The following VAT1L variants were observed in gnomAD, a reference collection of about 807,000 sequenced individuals.
VAT1L encodes vesicle amine transport 1 like.
Under a neutral mutation model 44.1 loss-of-function variants are expected in VAT1L, and 34 were observed. That is an observed-to-expected ratio of 0.77 (90% CI 0.59 to 1.03). The LOEUF (loss-of-function observed/expected upper bound fraction) is 1.03, where lower values mean the gene tolerates loss of function less well. Ranked by LOEUF, VAT1L falls within the 50% of genes least tolerant of loss-of-function variation. VAT1L has a pLI of 0.00. For missense variants in VAT1L, 615 were observed against 538.8 expected (o/e 1.14, Z -1.40); for synonymous variants, 253 against 202.2 (o/e 1.25, Z -2.13).
chr16:77,946,276 G>GCTCTTTTTTTTTTTTTTTTTTTT (rs1441996306), intron 7 of VAT1L, among the ~76,000 whole-genome samples: 7 of 33,856 alleles, frequency 2.1e-4, no homozygotes, highest in Admixed American at 7.9e-4. Context: ...TAGGTTACTT[G>GCTCTTTTTTTTTTTTTTTTTTTT]TTCTTTTTTT....
intron 7 of VAT1L, among the ~76,000 whole-genome samples, chr16:77,958,283 C>T (rs1340314876): frequency 6.6e-6 from 1 of 152,166 alleles, no homozygotes; most frequent in African/African-American, 2.4e-5. Flanking sequence ...TCAACAGCTT[C>T]CTCTGGTTTT....
At chr16:77,946,221 C>G (rs2017960933) in intron 7 of VAT1L, among the ~76,000 whole-genome samples, 1 of 149,346 alleles carries the variant, frequency 6.7e-6, no homozygotes, top group Non-Finnish European at 1.5e-5. Flanking sequence ...TTCTAACAAA[C>G]AGCTCTAACA....
rs142335499 is a variant in VAT1L at position 77,793,256 on chromosome 16, C to T, written c.233+4341C>T. The stretch of plus-strand genomic sequence containing the variant: ...CTTCCTGCATAGCTGGGACCACAGG[C>T]ATGTGCCACCGTGCCCAGCTAATTT... On this transcript the variant is annotated intron_variant, in intron 1 of 8. Coordinates refer to ENST00000302536, the MANE Select transcript of VAT1L (RefSeq NM_020927.3). Among the ~76,000 whole-genome samples the T allele has an allele frequency of 2.9e-3, 447 of 152,282 alleles. 2 individuals are homozygous for T. The highest frequency in any genetic ancestry group is 0.01 in the African/African-American group (424 of 41,566).
intron 1 of VAT1L, among the ~76,000 whole-genome samples, chr16:77,811,492 T>C (rs1418631561): frequency 6.6e-6 from 1 of 152,134 alleles, no homozygotes; most frequent in Non-Finnish European, 1.5e-5. Context: ...GATCACACAA[T>C]GACAGCCTGG....
chr16:77,939,724 G>C (rs2017854584), intron 7 of VAT1L, among the ~76,000 whole-genome samples: 1 of 152,090 alleles, frequency 6.6e-6, no homozygotes, highest in Admixed American at 6.6e-5. Flanking sequence ...GGAATACAAA[G>C]GGTGAAAAAT....
chr16:77,958,914 G>A (rs1410341353), intron 7 of VAT1L, among the ~76,000 whole-genome samples: 3 of 152,106 alleles, frequency 2.0e-5, no homozygotes, highest in Non-Finnish European at 4.4e-5. Flanking sequence ...TTATCCTGTT[G>A]CCAAGTAGGT....
At chr16:77,949,846 G>A (rs1399457153) in intron 7 of VAT1L, among the ~76,000 whole-genome samples, 1 of 152,218 alleles carries the variant, frequency 6.6e-6, no homozygotes, top group Non-Finnish European at 1.5e-5. Flanking sequence ...AGGTGAGGCT[G>A]CCGATTATGA....
chr16:77,945,162 G>T (rs1484336529), intron 7 of VAT1L, among the ~76,000 whole-genome samples: 2 of 152,026 alleles, frequency 1.3e-5, no homozygotes, highest in East Asian at 3.8e-4. Context: ...AATCTGTGGG[G>T]GCACAAACCC....
intron 3 of VAT1L, among the ~76,000 whole-genome samples, chr16:77,830,717 T>C (rs781612028): frequency 6.6e-6 from 1 of 152,184 alleles, no homozygotes; most frequent in Non-Finnish European, 1.5e-5. Context: ...AGATGGAGTC[T>C]CACTCTCTCA....
At chr16:77,973,892 AT>A (rs1323730449) in intron 8 of VAT1L, among the ~76,000 whole-genome samples, 1 of 151,620 alleles carries the variant, frequency 6.6e-6, no homozygotes, top group Non-Finnish European at 1.5e-5. Context: ...TGCCTGGCTA[AT>A]TTTTTTGTAT....
At chr16:77,802,222 C>G (rs1020031310) in intron 1 of VAT1L, among the ~76,000 whole-genome samples, 3 of 152,118 alleles carry the variant, frequency 2.0e-5, no homozygotes, top group Non-Finnish European at 2.9e-5. Flanking sequence ...CATCTTTTTT[C>G]CTTTTGTATC....
chr16:77,870,236 C>T (rs1482914618), intron 4 of VAT1L, among the ~76,000 whole-genome samples: 1 of 152,172 alleles, frequency 6.6e-6, no homozygotes, highest in African/African-American at 2.4e-5. Context: ...AGAAGCCTAT[C>T]GCGTACCAGG....
intron 1 of VAT1L, among the ~76,000 whole-genome samples, chr16:77,795,614 G>A (rs1235502433): frequency 6.6e-6 from 1 of 152,076 alleles, no homozygotes; most frequent in Non-Finnish European, 1.5e-5. Flanking sequence ...GAAGGTGGAT[G>A]GGTCAATTCA....
chr16:77,912,282 T>C (rs2017506955), intron 7 of VAT1L, among the ~76,000 whole-genome samples: 2 of 152,074 alleles, frequency 1.3e-5, no homozygotes, highest in Non-Finnish European at 2.9e-5. Context: ...AAGGTAGGGG[T>C]GAAGTTAACA....
At chr16:77,898,706 C>T (rs914917231) in intron 7 of VAT1L, among the ~76,000 whole-genome samples, 3 of 152,320 alleles carry the variant, frequency 2.0e-5, no homozygotes, top group South Asian at 2.1e-4. Context: ...CTTTCCATCA[C>T]CTTGCAGTCA....
At chr16:77,967,000 G>A (rs1015808452) in intron 7 of VAT1L, among the ~76,000 whole-genome samples, 6 of 148,668 alleles carry the variant, frequency 4.0e-5, no homozygotes, top group African/African-American at 7.5e-5. Flanking sequence ...AGTCTCCCAC[G>A]TGCTACTGAG....
At chr16:77,840,887 AATC>A (rs1446988501) in intron 3 of VAT1L, among the ~76,000 whole-genome samples, 5 of 152,190 alleles carry the variant, frequency 3.3e-5, no homozygotes, top group Non-Finnish European at 7.3e-5. Flanking sequence ...TGGTATTGGA[AATC>A]ATCTTATTAC....
chr16:77,958,780 C>T (rs1041455505), intron 7 of VAT1L, among the ~76,000 whole-genome samples: 9 of 152,180 alleles, frequency 5.9e-5, no homozygotes, highest in Non-Finnish European at 1.3e-4. Flanking sequence ...ACAGTTGCTC[C>T]ATCCAGATTA....
At chr16:77,818,902 T>G (rs755487561) in intron 2 of VAT1L, among the ~76,000 whole-genome samples, 3 of 152,206 alleles carry the variant, frequency 2.0e-5, no homozygotes, top group Non-Finnish European at 4.4e-5. Flanking sequence ...GCACACTGAA[T>G]AGCTCTCTTG....
Sources: allele counts gnomAD v4.1 joint callset (sites outside exome capture counted in the v4.1 genomes callset), GRCh38; gene constraint gnomAD v4.1.1; transcripts MANE v1.5; gene names NCBI Gene and HGNC (gene_info 2026-07-23, HGNC 2026-07-21).